CCSER1: variants seen among roughly 807,000 people sequenced by gnomAD.
CCSER1 encodes serine-rich coiled-coil domain-containing protein 1.
CCSER1 carries 41 observed loss-of-function variants against 82.0 expected under a neutral mutation model. The observed-to-expected ratio is 0.50, with a 90% confidence interval of 0.39 to 0.65. The LOEUF (loss-of-function observed/expected upper bound fraction) is 0.65, where lower values mean the gene tolerates loss of function less well. Ranked by LOEUF, CCSER1 falls within the 30% of genes least tolerant of loss-of-function variation. The pLI is 0.00. For synonymous variants in CCSER1, 414 were observed against 383.9 expected (o/e 1.08, Z -0.92); for missense variants, 1,119 against 1,064.2 (o/e 1.05, Z -0.72).
chr4:90,241,252 A>G (rs778595189), intron 1 of CCSER1, among the ~76,000 whole-genome samples: 10 of 152,180 alleles, frequency 6.6e-5, no homozygotes, highest in East Asian at 1.9e-4. Context: ...CTGGTGCTTT[A>G]TAGGTGCTAT....
chr4:91,103,950 A>C (rs919648871), intron 10 of CCSER1, among the ~76,000 whole-genome samples: 1 of 152,122 alleles, frequency 6.6e-6, no homozygotes, highest in Non-Finnish European at 1.5e-5. Flanking sequence ...CTAGCAAGGA[A>C]TATTAATATT....
intron 9 of CCSER1, among the ~76,000 whole-genome samples, chr4:91,041,993 G>T (rs1272607611): frequency 6.6e-6 from 1 of 152,134 alleles, no homozygotes; most frequent in East Asian, 1.9e-4. Flanking sequence ...CTTTTGATGT[G>T]TTCATTAAGC....
intron 10 of CCSER1, among the ~76,000 whole-genome samples, chr4:91,205,199 A>AT (rs1464868890): frequency 6.6e-6 from 1 of 151,778 alleles, no homozygotes; most frequent in Non-Finnish European, 1.5e-5. Flanking sequence ...TAGTAATTAA[A>AT]TTTTTTCTTC....
chr4:91,585,419 G>T (rs1192266953), intron 10 of CCSER1, among the ~76,000 whole-genome samples: 5 of 151,346 alleles, frequency 3.3e-5, no homozygotes, highest in Non-Finnish European at 7.4e-5. Context: ...TAAGGTAAAT[G>T]CTGGGAGAAA....
chr4:91,167,655 A>G (rs909432735), intron 10 of CCSER1, among the ~76,000 whole-genome samples: 15 of 152,168 alleles, frequency 9.9e-5, no homozygotes, highest in African/African-American at 2.9e-4. Flanking sequence ...TGTTTGCTTA[A>G]TGTTTATAGG....
intron 7 of CCSER1, among the ~76,000 whole-genome samples, chr4:90,769,002 G>A (rs905620544): frequency 1.3e-5 from 2 of 152,150 alleles, no homozygotes; most frequent in Non-Finnish European, 2.9e-5. Flanking sequence ...CCAGGAAAAT[G>A]TAGTCCAAAA....
intron 4 of CCSER1, among the ~76,000 whole-genome samples, chr4:90,461,529 C>T (rs959825260): frequency 6.6e-6 from 1 of 152,122 alleles, no homozygotes; most frequent in Admixed American, 6.5e-5. Flanking sequence ...CTCAGTCTTC[C>T]TTAACTTCTT....
chr4:90,841,628 C>A (rs1762586615), intron 8 of CCSER1, among the ~76,000 whole-genome samples: 1 of 150,172 alleles, frequency 6.7e-6, no homozygotes, highest in African/African-American at 2.4e-5. Flanking sequence ...TGCATGTTTT[C>A]CCTGACATAG....
chr4:90,510,426 A>G (rs1438054464), intron 5 of CCSER1, among the ~76,000 whole-genome samples: 3 of 152,220 alleles, frequency 2.0e-5, no homozygotes, highest in Non-Finnish European at 2.9e-5. Flanking sequence ...AGTAGAAACT[A>G]TAACATTAAT....
At chr4:90,491,226 T>C (rs979010508) in intron 5 of CCSER1, among the ~76,000 whole-genome samples, 117 of 152,292 alleles carry the variant, frequency 7.7e-4, no homozygotes, top group Non-Finnish European at 4.0e-4. Flanking sequence ...CTTGAAGAGG[T>C]CCTTCACATC....
chr4:90,439,743 G>T (rs1296531798), intron 4 of CCSER1, among the ~76,000 whole-genome samples: 1 of 152,100 alleles, frequency 6.6e-6, no homozygotes, highest in African/African-American at 2.4e-5. Context: ...TCCTTTCTTT[G>T]CTTGCTGGAC....
chr4:91,108,020 A>T (rs2148866162), intron 10 of CCSER1: 1 of 152,312 alleles, frequency 6.6e-6, no homozygotes, highest in East Asian at 1.9e-4. Flanking sequence ...TTAGCTTCTC[A>T]GTTATCCAAG....
chr4:91,224,489 T>C (rs1352882163), intron 10 of CCSER1, among the ~76,000 whole-genome samples: 1 of 152,164 alleles, frequency 6.6e-6, no homozygotes, highest in Non-Finnish European at 1.5e-5. Flanking sequence ...TCGTATGTGC[T>C]ATTAGTCATA....
chr4:90,530,547 CAAGGGATGG>C (rs1774377267), intron 5 of CCSER1, among the ~76,000 whole-genome samples: 1 of 152,104 alleles, frequency 6.6e-6, no homozygotes, highest in Non-Finnish European at 1.5e-5. Flanking sequence ...TTTCTTTAGC[CAAGGGATGG>C]AATATTCATG....
At chr4:90,812,087 C>T (rs1758424933) in intron 7 of CCSER1, among the ~76,000 whole-genome samples, 1 of 151,780 alleles carries the variant, frequency 6.6e-6, no homozygotes, top group Non-Finnish European at 1.5e-5. Context: ...GAGAGCCAGT[C>T]CAAATTCCAA....
chr4:91,009,052 C>T (rs6833255), intron 9 of CCSER1, among the ~76,000 whole-genome samples: 10,618 of 152,198 alleles, frequency 0.07, 924 homozygotes, highest in African/African-American at 0.21. Flanking sequence ...GGTGCCTCCC[C>T]GGATCAGGAG....
At chr4:90,333,405 A>G (rs966409049) in intron 3 of CCSER1, among the ~76,000 whole-genome samples, 4 of 152,216 alleles carry the variant, frequency 2.6e-5, no homozygotes, top group African/African-American at 9.6e-5. Flanking sequence ...AGAATTTCTC[A>G]GAAACAAACA....
chr4:91,090,583 G>T (rs919024750), intron 10 of CCSER1, among the ~76,000 whole-genome samples: 1 of 152,126 alleles, frequency 6.6e-6, no homozygotes. Context: ...AATTGTCAGG[G>T]TGGTTCTTTT....
At chr4:90,545,130 T>C (rs1776602577) in intron 5 of CCSER1, among the ~76,000 whole-genome samples, 1 of 152,150 alleles carries the variant, frequency 6.6e-6, no homozygotes, top group Non-Finnish European at 1.5e-5. Flanking sequence ...TAAAGAGCAC[T>C]TCTTTTCAAG....
Sources: allele counts gnomAD v4.1 joint callset (sites outside exome capture counted in the v4.1 genomes callset), GRCh38; gene constraint gnomAD v4.1.1; transcripts MANE v1.5; gene names NCBI Gene and HGNC (gene_info 2026-07-23, HGNC 2026-07-21).